MCM2: variants seen among roughly 807,000 people sequenced by gnomAD.
MCM2 encodes DNA replication licensing factor MCM2.
MCM2 carries 49 observed loss-of-function variants against 86.4 expected under a neutral mutation model. That is an observed-to-expected ratio of 0.57 (90% CI 0.45 to 0.72). The LOEUF (loss-of-function observed/expected upper bound fraction) is 0.72, where lower values mean the gene tolerates loss of function less well. MCM2 is among the 30% of genes least tolerant of loss of function. The pLI is 0.00. For synonymous variants in MCM2, 475 were observed against 484.6 expected (o/e 0.98, Z 0.26); for missense variants, 1,038 against 1,259.9 (o/e 0.82, Z 2.67).
intron 8 of MCM2, among the ~76,000 whole-genome samples, chr3:127,610,064 G>A (rs988284238): frequency 6.6e-6 from 1 of 151,752 alleles, no homozygotes; most frequent in Non-Finnish European, 1.5e-5. Context: ...GGCTGGTCTC[G>A]AACTCCTGAC....
intron 8 of MCM2, among the ~76,000 whole-genome samples, chr3:127,613,682 T>C (rs1189971536): frequency 6.6e-6 from 1 of 152,222 alleles, no homozygotes; most frequent in Non-Finnish European, 1.5e-5. Flanking sequence ...TTTTAAAACA[T>C]TGTTACAGAA....
chr3:127,606,488 G>T lies in MCM2; in HGVS notation c.894-122G>T. ...AGTTGTGGTTGCACAGGAGTGTGAT[G>T]GGAGGGATCTTCCCGGGCTGGGGGC... is the stretch of plus-strand genomic sequence containing the variant. On this transcript the variant is annotated intron_variant, in intron 5 of 15. Coordinates refer to ENST00000265056, the MANE Select transcript of MCM2 (RefSeq NM_004526.4). This position sits in a 1 kb window ranked among gnomAD's most constrained non-coding sequence, Gnocchi z 4.2. The T allele has an allele frequency of 8.4e-7, 1 of 1,185,028 alleles. No homozygotes were observed. The highest frequency in any genetic ancestry group is 1.2e-6 in the Non-Finnish European group (1 of 825,850). The allele number at this position is 1,185,028 out of a possible 1,614,324, so 73.4% of individuals were successfully genotyped here.
Position 127,606,411 on chromosome 3 carries a change from G to A in MCM2, c.893+74G>A, listed in dbSNP as rs951874687. 29 of 1,481,900 alleles carry A rather than the reference G, an allele frequency of 2.0e-5. No homozygotes were observed. The highest frequency in any genetic ancestry group is 8.3e-5 in the African/African-American group (6 of 72,052). The allele number at this position is 1,481,900 out of a possible 1,614,324, so 91.8% of individuals were successfully genotyped here. A position where few individuals can be genotyped will look rare whatever the true frequency, so the allele number is the denominator to read the frequency against. The stretch of plus-strand genomic sequence containing the variant: ...GACTCGGTCGTGATTCCTGAAGAGC[G>A]ATTGTGGTGTGGGCGGGGAGGGTGC... On this transcript the variant is annotated intron_variant, in intron 5 of 15. Transcript: ENST00000265056. The surrounding 1 kb of genome is among the most constrained non-coding windows in gnomAD (Gnocchi z 4.2).
chr3:127,607,139 G>T (rs2074357547), intron 6 of MCM2, among the ~76,000 whole-genome samples: 1 of 152,232 alleles, frequency 6.6e-6, no homozygotes. Context: ...TTCAGGATGT[G>T]TGCTTACCAG....
chr3:127,615,904 A>G lies in MCM2; in HGVS notation c.1471A>G (p.Ile491Val). ...IAPSIYGHED[I>V]KRGLALALFG... ...TCCTTCCATCTATGGTCATGAAGAC[A>G]TCAAGAGAGGCCTGGCTCTGGCCCT... The change falls in exon 9 of 16, where the codon ATC (isoleucine) becomes GTC (valine). Residue 491 changes from isoleucine to valine, a missense_variant. Transcript: ENST00000265056. The G allele has an allele frequency of 6.2e-7, 1 of 1,614,180 alleles. No homozygotes were observed. Among genetic ancestry groups the G allele is most frequent in the African/African-American group, 1.3e-5 (1 of 75,042 alleles).
chr3:127,616,022 A>G, intron 9 of MCM2, 67 bp downstream of exon 9: 4 of 1,273,804 alleles, frequency 3.1e-6, no homozygotes, highest in Non-Finnish European at 4.6e-6. Flanking sequence ...GCATTCAAAG[A>G]AGGACACAGT....
rs1196768589 is a variant in MCM2, at chr3:127,616,983, C to T, written c.1638C>T (p.Thr546=). 6.2e-7 allele frequency: 1 copy of T among 1,614,212 alleles called. No homozygotes were observed. Among genetic ancestry groups the T allele is most frequent in the South Asian group, 1.1e-5 (1 of 91,088 alleles). Residue 546 remains threonine (T), a synonymous_variant, in exon 10 of 16, where the codon ACC becomes ACT. Coordinates refer to ENST00000265056, the MANE Select transcript of MCM2 (RefSeq NM_004526.4). ...AAGTGTCCAGCCGAGCCATCTTCAC[C>T]ACTGGCCAGGGGGCGTCGGCTGTGG... is the stretch of plus-strand genomic sequence containing the variant. ...IEKVSSRAIF[T]TGQGASAVGL...
At position 127,606,003 on chromosome 3, in the gene MCM2, C is replaced by G. The variant is rs866263599; in HGVS notation, c.674-115C>G. On this transcript the variant is annotated intron_variant, in intron 4 of 15. Transcript: ENST00000265056. The surrounding 1 kb of genome is among the most constrained non-coding windows in gnomAD (Gnocchi z 4.2). ...GACCTAGAAGTGAAAGCTGGGCTTT[C>G]TAGGTCAAAATCAATGGTCGGGGTG... 2.7e-6 allele frequency: 2 copies of G among 752,252 alleles called. No homozygotes were observed. The highest frequency in any genetic ancestry group is 4.7e-4 in the Middle Eastern group (2 of 4,228). 46.6% of individuals were successfully genotyped at this position (752,252 alleles called of 1,614,324 possible).
At chr3:127,604,158 G>A (rs956692608) in intron 2 of MCM2, 2 of 165,216 alleles carry the variant, frequency 1.2e-5, no homozygotes, top group Admixed American at 5.7e-5. Context: ...GGCCATCACC[G>A]CCATCCATCC....
intron 2 of MCM2, 100 bp from the exon 3 acceptor site, chr3:127,604,508 G>C: frequency 8.1e-7 from 1 of 1,241,800 alleles, no homozygotes; most frequent in South Asian, 1.4e-5. Context: ...CCACAATGGG[G>C]CTCCTGAACC....
At position 127,619,115 on chromosome 3, in the gene MCM2, C is replaced by T. The variant is rs149699620; in HGVS notation, c.2102C>T (p.Ala701Val). 723 of 1,613,384 alleles carry T rather than the reference C, an allele frequency of 4.5e-4. 5 individuals are homozygous for T. The African/African-American group carries it at 9.0e-3, about 20-fold the overall frequency. ...GAGGAGGGGCTGGCCAATGGCAGCG[C>T]TGCTGAGCCCGCCATGCCCAACACG... ...KEEEGLANGSAAEPAMPNTYG... is the reference protein window; with the variant it reads ...KEEEGLANGSVAEPAMPNTYG... The change falls in exon 13 of 16, where the codon GCT becomes GTT. Residue 701 changes from alanine to valine, a missense_variant. By Grantham distance (64) the Ala-to-Val change is moderately conservative. This residue lies in a region of MCM2 where 336 missense variants were observed against 425.7 expected (regional missense o/e 0.79). Coordinates refer to ENST00000265056, the MANE Select transcript of MCM2 (RefSeq NM_004526.4).
In MCM2 at chr3:127,606,550, TC is replaced by T; in HGVS notation, c.894-59del. On this transcript the variant is annotated intron_variant, in intron 5 of 15. Transcript: ENST00000265056. This position sits in a 1 kb window ranked among gnomAD's most constrained non-coding sequence, Gnocchi z 4.2. Reference sequence around the variant, plus strand: ...TCCAGGACAGTGTGTTGGGACACTCTCGTCTGCAGCCTGGCCTCACCCTGGC... The same window carrying T: ...TCCAGGACAGTGTGTTGGGACACTCTGTCTGCAGCCTGGCCTCACCCTGGC... 6.7e-7 allele frequency: 1 copy of T among 1,499,618 alleles called. No homozygotes were observed. The highest frequency in any genetic ancestry group is 9.3e-7 in the Non-Finnish European group (1 of 1,080,090). 92.9% of individuals were successfully genotyped at this position (1,499,618 alleles called of 1,614,324 possible).
intron 13 of MCM2, among the ~76,000 whole-genome samples, chr3:127,619,841 G>T (rs2074462970): frequency 6.6e-6 from 1 of 152,058 alleles, no homozygotes; most frequent in South Asian, 2.1e-4. Context: ...AACTTAGCTG[G>T]GCCTGGTGGT....
rs1470695130 is a variant in MCM2 at position 127,617,982 on chromosome 3, C to A, written c.1914C>A (p.Asp638Glu). 1 of 1,613,728 alleles carries A rather than the reference C, an allele frequency of 6.2e-7. No homozygotes were observed. The highest frequency in any genetic ancestry group is 1.1e-5 in the South Asian group (1 of 91,004). ...AAANPIGGRYDPSLTFSENVD... is the reference protein window; with the variant it reads ...AAANPIGGRYEPSLTFSENVD... ...CCTGTGTTTCAGGAGGGCGCTACGA[C>A]CCCTCGCTGACTTTCTCTGAGAACG... is the stretch of plus-strand genomic sequence containing the variant. The change falls in exon 12 of 16, where the codon GAC becomes GAA. Residue 638 changes from aspartate to glutamate, a missense_variant. Asp to Glu is a conservative substitution (Grantham distance 45). Around this residue, in one of 4 missense-constraint regions of MCM2, gnomAD observed 336 missense variants for 425.7 expected, o/e 0.79. Transcript: ENST00000265056. The surrounding 1 kb of genome is among the most constrained non-coding windows in gnomAD (Gnocchi z 4.1).
rs1309908785 is a variant in MCM2 at position 127,622,359 on chromosome 3, G to A, written c.*586G>A. ...TATCAGCTGCCATTGCTCCCTGTCT[G>A]TTTCCCCACTCTCTTATTTGTGCAT... On this transcript the variant is annotated 3_prime_UTR_variant, in exon 16 of 16. Transcript: ENST00000265056. 2 of 152,228 alleles carry A rather than the reference G, an allele frequency of 1.3e-5. No homozygotes were observed. The highest frequency in any genetic ancestry group is 3.8e-4 in the East Asian group (2 of 5,198). The allele number at this position is 152,228 out of a possible 1,614,324, so 9.4% of individuals were successfully genotyped here.
At chr3:127,621,577 G>A in intron 15 of MCM2, 86 bp from the exon 16 acceptor site, 1 of 826,538 alleles carries the variant, frequency 1.2e-6, no homozygotes, top group Non-Finnish European at 2.0e-6. Flanking sequence ...AGGTGATGGT[G>A]TCTGAAAGTG....
At chr3:127,608,121 C>T (rs1344821723) in intron 6 of MCM2, among the ~76,000 whole-genome samples, 1 of 152,200 alleles carries the variant, frequency 6.6e-6, no homozygotes, top group Non-Finnish European at 1.5e-5. Context: ...GTTCCAGCAT[C>T]GGTACTCAAG....
rs550764944 is a variant in MCM2, at chr3:127,609,588, G to A, written c.1428+565G>A. On this transcript the variant is annotated intron_variant, in intron 8 of 15. Coordinates refer to ENST00000265056, the MANE Select transcript of MCM2 (RefSeq NM_004526.4). The stretch of plus-strand genomic sequence containing the variant: ...TTCCCAAAGTGCTGGGCTTACAGGT[G>A]TGAGCCCTTGTGCCCAGGCAGTTGG... Among the ~76,000 whole-genome samples, 5 of 152,204 alleles carry A rather than the reference G, an allele frequency of 3.3e-5. No individual in the cohort carries two copies. In the East Asian group the frequency reaches 9.7e-4, roughly 29 times the overall value.
rs988789669 is a variant in MCM2 at position 127,604,943 on chromosome 3, G to A, written c.460G>A (p.Val154Met). Residue 154 changes from valine (V) to methionine (M), a missense_variant, in exon 4 of 16, where the codon GTG becomes ATG. Physicochemically the swap from Val to Met is conservative, Grantham distance 21. Coordinates refer to ENST00000265056, the MANE Select transcript of MCM2 (RefSeq NM_004526.4). ...GCGCCCTGCCCGCAAGCGCCGCCAGGTGGAGCGGGCCACGGAGGACGGCGA... is the reference window on the plus strand; with the variant it reads ...GCGCCCTGCCCGCAAGCGCCGCCAGATGGAGCGGGCCACGGAGGACGGCGA... Reference protein sequence around the residue: ...EERPARKRRQVERATEDGEED... With the variant: ...EERPARKRRQMERATEDGEED... 1 of 1,613,690 alleles carries A rather than the reference G, an allele frequency of 6.2e-7. No individual in the cohort carries two copies. Among genetic ancestry groups the A allele is most frequent in the Non-Finnish European group, 8.5e-7 (1 of 1,179,864 alleles).
Sources: allele counts gnomAD v4.1 joint callset (sites outside exome capture counted in the v4.1 genomes callset), GRCh38; gene constraint gnomAD v4.1.1; regional missense constraint gnomAD v4.1.1; non-coding constraint Gnocchi (gnomAD v3.1); transcripts MANE v1.5; gene names NCBI Gene and HGNC (gene_info 2026-07-23, HGNC 2026-07-21).